The following B4GALT4 variants were observed in gnomAD, a reference collection of about 807,000 sequenced individuals.
B4GALT4 encodes the protein N-acetyllactosamine synthase.
Under a neutral mutation model 37.3 loss-of-function variants are expected in B4GALT4, and 27 were observed. The ratio of observed to expected loss-of-function variants is 0.72; its 90% CI spans 0.53 to 1.00. The LOEUF is 1.00. Ranked by LOEUF, B4GALT4 falls within the 50% of genes least tolerant of loss-of-function variation. B4GALT4 has a pLI of 0.00. For synonymous variants in B4GALT4, 148 were observed against 154.1 expected (o/e 0.96, Z 0.29); for missense variants, 372 against 413.1 (o/e 0.90, Z 0.86).
intron 5 of B4GALT4, 111 bp downstream of exon 5, chr3:119,223,947 A>AT: frequency 1.6e-6 from 2 of 1,227,852 alleles, no homozygotes; most frequent in East Asian, 2.6e-5. Flanking sequence ...ATTATGGACC[A>AT]TTTTTTCTAT....
intron 3 of B4GALT4, among the ~76,000 whole-genome samples, chr3:119,228,833 A>C (rs1166141848): frequency 1.5e-5 from 2 of 137,168 alleles, no homozygotes; most frequent in Non-Finnish European, 3.3e-5. Flanking sequence ...TTATAAAAAG[A>C]GCAAGAGGCA....
chr3:119,222,199 G>A (rs1024691286), intron 5 of B4GALT4, among the ~76,000 whole-genome samples: 3 of 152,208 alleles, frequency 2.0e-5, no homozygotes, highest in Non-Finnish European at 4.4e-5. Context: ...CTAAGGTACA[G>A]GTGTTCTGTG....
intron 2 of B4GALT4, among the ~76,000 whole-genome samples, chr3:119,233,510 T>C (rs543573079): frequency 2.6e-5 from 4 of 152,162 alleles, no homozygotes; most frequent in Non-Finnish European, 4.4e-5. Flanking sequence ...AATATGTGGG[T>C]TCCTCAGGGC....
intron 3 of B4GALT4, among the ~76,000 whole-genome samples, chr3:119,229,206 G>A (rs150966766): frequency 4.2e-4 from 64 of 152,300 alleles, no homozygotes; most frequent in African/African-American, 1.4e-3. Flanking sequence ...CTGGTGCTCT[G>A]CTGATGCCAT....
chr3:119,229,955 C>G lies in B4GALT4; in HGVS notation c.145G>C (p.Ala49Pro). The change falls in exon 3 of 8, where the codon GCT becomes CCT. Residue 49 changes from alanine to proline, a missense_variant. Physicochemically the swap from Ala to Pro is conservative, Grantham distance 27. Transcript: ENST00000393765. The part of the protein sequence containing the change: ...QEIPKAKEFM[A>P]NFHKTLILGK... ...AAAATGAGGGTCTTATGGAAATTAG[C>G]CATGAACTCCTTTGCTTTAGGAATC... 1 of 1,614,148 alleles carries G rather than the reference C, an allele frequency of 6.2e-7. No individual in the cohort carries two copies. Among genetic ancestry groups the G allele is most frequent in the Non-Finnish European group, 8.5e-7 (1 of 1,180,024 alleles).
At chr3:119,230,896 A>C (rs2078792344) in intron 2 of B4GALT4, among the ~76,000 whole-genome samples, 1 of 152,214 alleles carries the variant, frequency 6.6e-6, no homozygotes, top group African/African-American at 2.4e-5. Context: ...TAAGATCAGG[A>C]GTTTGGACTT....
In B4GALT4 at chr3:119,226,930, T is replaced by C; in HGVS notation, c.365A>G (p.Gln122Arg). 1.2e-6 allele frequency: 2 copies of C among 1,614,190 alleles called. No homozygotes were observed. The highest frequency in any genetic ancestry group is 1.7e-6 in the Non-Finnish European group (2 of 1,180,022). ...RYRPQECKAL[Q>R]RVAILVPHRN... Reference sequence around the variant, plus strand: ...GTGGGGAACGAGGATGGCGACCCTCTGTAAAGCTTTACATTCCTGAGGGCG... The same window carrying C: ...GTGGGGAACGAGGATGGCGACCCTCCGTAAAGCTTTACATTCCTGAGGGCG... Residue 122 changes from glutamine (Q) to arginine (R), a missense_variant, in exon 4 of 8, where the codon CAG (glutamine) becomes CGG (arginine). Transcript: ENST00000393765.
Position 119,216,316 on chromosome 3 carries a change from G to T in B4GALT4, c.826C>A (p.Arg276=). The T allele has an allele frequency of 1.2e-6, 2 of 1,613,390 alleles. No homozygotes were observed. The highest frequency in any genetic ancestry group is 2.2e-5 in the South Asian group (2 of 90,998). The change falls in exon 7 of 8, where the codon CGG becomes AGG. Residue 276 remains arginine (R), a synonymous_variant. Transcript: ENST00000393765. ...TATTTACCCACTTCAGGCAGGGGCC[G>T]GGAAATTTTCATTCTTTGGAGCTCA... The part of the protein sequence containing the change: ...RVELQRMKIS[R]PLPEVGKYTM...
rs1457055408 is a variant in B4GALT4 at position 119,226,869 on chromosome 3, T to C, written c.426A>G (p.Glu142=). 1 of 1,614,134 alleles carries C rather than the reference T, an allele frequency of 6.2e-7. No individual in the cohort carries two copies. Among genetic ancestry groups the C allele is most frequent in the Non-Finnish European group, 8.5e-7 (1 of 1,180,008 alleles). Residue 142 remains glutamate, a synonymous_variant, in exon 4 of 8, where the codon GAA becomes GAG. Coordinates refer to ENST00000393765, the MANE Select transcript of B4GALT4 (RefSeq NM_003778.4). ...NREKHLMYLL[E]HLHPFLQRQQ... is the part of the protein sequence containing the mutation. ...GCCTCTGCAGGAAGGGATGCAGATG[T>C]TCCAGCAGGTACATCAGGTGTTTCT...
chr3:119,217,783 C>T (rs1024219426), intron 6 of B4GALT4, among the ~76,000 whole-genome samples: 8 of 135,996 alleles, frequency 5.9e-5, no homozygotes, highest in South Asian at 2.4e-4. Context: ...GCAGAGGTTG[C>T]GGTGAGTCGA....
At chr3:119,237,659 G>A (rs6785453) in intron 1 of B4GALT4, among the ~76,000 whole-genome samples, 7,785 of 152,288 alleles carry the variant, frequency 0.051, 219 homozygotes, top group Middle Eastern at 0.075. Context: ...AGATATGTTA[G>A]TTTTCCCTCT....
chr3:119,218,634 T>C lies in B4GALT4; in HGVS notation c.797+16A>G. 6.2e-7 allele frequency: 1 copy of C among 1,614,176 alleles called. No homozygotes were observed. The highest frequency in any genetic ancestry group is 8.5e-7 in the Non-Finnish European group (1 of 1,180,014). ...AGTGCAGAGCCCCGTGAAGGGGACC[T>C]TTCTCTGTTGTTCACCTGAGTCTGA... On this transcript the variant is annotated intron_variant, in intron 6 of 7. Transcript: ENST00000393765.
intron 3 of B4GALT4, among the ~76,000 whole-genome samples, chr3:119,227,397 T>C (rs886118191): frequency 1.1e-4 from 16 of 152,192 alleles, no homozygotes; most frequent in Admixed American, 2.0e-4. Context: ...CTATCCTCTT[T>C]TCCTTCACCA....
intron 3 of B4GALT4, 43 bp downstream of exon 3, chr3:119,229,804 A>G: frequency 2.5e-6 from 4 of 1,590,744 alleles, no homozygotes; most frequent in Non-Finnish European, 3.4e-6. Flanking sequence ...CTTAAATAAA[A>G]AGTTTGCATA....
At chr3:119,234,867 C>G (rs2078938373) in intron 2 of B4GALT4, among the ~76,000 whole-genome samples, 1 of 152,174 alleles carries the variant, frequency 6.6e-6, no homozygotes, top group Admixed American at 6.5e-5. Context: ...TAGAAGTCTG[C>G]CCCGTAGTTA....
chr3:119,216,284 C>A lies in B4GALT4; in HGVS notation c.858G>T (p.Met286Ile). 6.2e-7 allele frequency: 1 copy of A among 1,613,634 alleles called. No homozygotes were observed. The highest frequency in any genetic ancestry group is 8.5e-7 in the Non-Finnish European group (1 of 1,179,818). ...RPLPEVGKYT[M>I]VFHTRDKGNE... Reference sequence around the variant, plus strand: ...TGCCTTTGTCTCTAGTGTGGAAGACCATTGTATATTTACCCACTTCAGGCA... The same window carrying A: ...TGCCTTTGTCTCTAGTGTGGAAGACAATTGTATATTTACCCACTTCAGGCA... Residue 286 changes from methionine to isoleucine, a missense_variant, in exon 7 of 8, where the codon ATG (methionine) becomes ATT (isoleucine). By Grantham distance (10) the Met-to-Ile change is conservative. Transcript: ENST00000393765.
intron 7 of B4GALT4, 96 bp from the exon 8 acceptor site, chr3:119,212,777 A>G: frequency 1.7e-6 from 2 of 1,190,208 alleles, no homozygotes; most frequent in Non-Finnish European, 2.3e-6. Flanking sequence ...ATATTTTTGT[A>G]AATTATTGTA....
At position 119,218,791 on chromosome 3, in the gene B4GALT4, G is replaced by A. The variant is rs2078364139; in HGVS notation, c.675-19C>T. 1.2e-6 allele frequency: 2 copies of A among 1,613,618 alleles called. No individual in the cohort carries two copies. The highest frequency in any genetic ancestry group is 1.7e-6 in the Non-Finnish European group (2 of 1,179,924). On this transcript the variant is annotated intron_variant, in intron 5 of 7. Transcript: ENST00000393765. ...ACGTAACCTGGAGCAAAAGAGATGA[G>A]AGAAATGGTAAGAATATTCGCACCA...
intron 6 of B4GALT4, 83 bp from the exon 7 acceptor site, chr3:119,216,427 TATACACACACACGCAC>T (rs1238017303): frequency 1.1e-4 from 77 of 700,770 alleles, no homozygotes; most frequent in African/African-American, 6.7e-4. Flanking sequence ...TGCGAAAATT[TATACACACACACGCAC>T]ATACACACAC....
Sources: allele counts gnomAD v4.1 joint callset (sites outside exome capture counted in the v4.1 genomes callset), GRCh38; gene constraint gnomAD v4.1.1; transcripts MANE v1.5; gene names NCBI Gene and HGNC (gene_info 2026-07-23, HGNC 2026-07-21).